Variants in AOPEP observed in about 807,000 individuals in gnomAD.
The protein encoded by AOPEP is aminopeptidase O (putative).
In AOPEP, 77 loss-of-function variants were observed where a neutral mutation model predicts 98.1. That is an observed-to-expected ratio of 0.78 (90% CI 0.65 to 0.95). AOPEP has a LOEUF of 0.95. AOPEP is among the 40% of genes least tolerant of loss of function. The pLI, the probability that AOPEP is intolerant of heterozygous loss-of-function variation, is 0.00. For missense variants in AOPEP, 1,024 were observed against 1,024.7 expected (o/e 1.00, Z 0.01); for synonymous variants, 346 against 365.3 (o/e 0.95, Z 0.60).
chr9:94,917,181 G>A (rs927807614), intron 5 of AOPEP, among the ~76,000 whole-genome samples: 7 of 152,108 alleles, frequency 4.6e-5, no homozygotes, highest in African/African-American at 9.7e-5. Flanking sequence ...ACGTTCTCTC[G>A]GGATGTGTTG....
chr9:94,968,961 G>T (rs2059371868), intron 10 of AOPEP, among the ~76,000 whole-genome samples: 1 of 152,044 alleles, frequency 6.6e-6, no homozygotes, highest in African/African-American at 2.4e-5. Flanking sequence ...AACACTATTT[G>T]GTCCATGATG....
At chr9:95,146,108 T>C in the AOPEP span, among the ~76,000 whole-genome samples, 4 of 152,272 alleles carry the variant, frequency 2.6e-5, no homozygotes, top group African/African-American at 2.4e-5. Flanking sequence ...AATGGTATTG[T>C]AGTTTTGTTT....
chr9:94,975,486 A>G (rs766251071), intron 10 of AOPEP, among the ~76,000 whole-genome samples: 59 of 152,272 alleles, frequency 3.9e-4, no homozygotes, highest in Non-Finnish European at 8.1e-4. Flanking sequence ...CCAATGAACT[A>G]ACCCTCTGAG....
chr9:94,744,093 T>C (rs1317312116), intron 1 of AOPEP, among the ~76,000 whole-genome samples: 1 of 152,114 alleles, frequency 6.6e-6, no homozygotes, highest in Non-Finnish European at 1.5e-5. Context: ...TCCTTAATCA[T>C]GATTAAGAAT....
chr9:95,146,230 T>C, the AOPEP span, among the ~76,000 whole-genome samples: 1 of 152,150 alleles, frequency 6.6e-6, no homozygotes, highest in African/African-American at 2.4e-5. Flanking sequence ...CTCATGCCTA[T>C]AATCCCAACA....
intron 1 of AOPEP, among the ~76,000 whole-genome samples, chr9:94,759,138 A>C (rs995879640): frequency 1.3e-5 from 2 of 152,210 alleles, no homozygotes; most frequent in Non-Finnish European, 2.9e-5. Flanking sequence ...CTGATATGAG[A>C]GCAGTCCTAA....
At chr9:95,103,415 C>T in the AOPEP span, among the ~76,000 whole-genome samples, 1 of 152,300 alleles carries the variant, frequency 6.6e-6, no homozygotes. Flanking sequence ...CTCTGCATCT[C>T]GGAATCTAGC....
chr9:95,101,844 G>A, the AOPEP span: 8 of 1,613,942 alleles, frequency 5.0e-6, no homozygotes, highest in South Asian at 5.5e-5. Context: ...TCAGCAGTGT[G>A]AGCCATCTGC....
intron 5 of AOPEP, among the ~76,000 whole-genome samples, chr9:94,843,013 A>G (rs181300238): frequency 2.0e-5 from 3 of 152,208 alleles, no homozygotes; most frequent in African/African-American, 7.2e-5. Flanking sequence ...TCATCTTCTT[A>G]GGTATGTAAG....
At position 94,901,948 on chromosome 9, in the gene AOPEP, C is replaced by T. The variant is rs138926154; in HGVS notation, c.1365-22038C>T. Among the ~76,000 whole-genome samples, 226 of 152,136 alleles carry T rather than the reference C, an allele frequency of 1.5e-3. 2 individuals carry two copies. Among genetic ancestry groups the T allele is most frequent in the Middle Eastern group, 6.8e-3 (2 of 294 alleles). On this transcript the variant is annotated intron_variant, in intron 5 of 16. Coordinates refer to ENST00000375315, the MANE Select transcript of AOPEP (RefSeq NM_001193329.3). ...GAAAAGAAAAAGTGCTAATAAAATA[C>T]CTTAATGTGCATATGAATGAATTGG...
chr9:95,000,185 T>TA (rs2061476244), intron 11 of AOPEP, among the ~76,000 whole-genome samples: 1 of 151,706 alleles, frequency 6.6e-6, no homozygotes, highest in Admixed American at 6.6e-5. Flanking sequence ...AATGGGCAAA[T>TA]AAAAATAATA....
At chr9:94,950,009 A>C (rs894829243) in intron 7 of AOPEP, among the ~76,000 whole-genome samples, 1 of 152,216 alleles carries the variant, frequency 6.6e-6, no homozygotes, top group Non-Finnish European at 1.5e-5. Flanking sequence ...AAGGGTTTGC[A>C]TTCAAAATCA....
intron 11 of AOPEP, chr9:95,003,796 A>G (rs1408796751): frequency 6.5e-6 from 1 of 153,762 alleles, no homozygotes; most frequent in Non-Finnish European, 1.4e-5. Context: ...AATGGTTAAC[A>G]CGTCTATTTA....
intron 13 of AOPEP, among the ~76,000 whole-genome samples, chr9:95,054,032 G>A (rs1017438502): frequency 1.3e-5 from 2 of 151,934 alleles, no homozygotes; most frequent in African/African-American, 4.8e-5. Flanking sequence ...TAATTCTAAG[G>A]AAACAAAAAG....
chr9:94,742,924 A>T (rs540036639), intron 1 of AOPEP, among the ~76,000 whole-genome samples: 1 of 152,286 alleles, frequency 6.6e-6, no homozygotes, highest in East Asian at 1.9e-4. Flanking sequence ...GATAGGAGGC[A>T]GGGATGTAGA....
rs2042620268 is a variant in AOPEP, at chr9:94,844,454, A to G, written c.1364+43452A>G. ...GTATAATGGTCAAATCGGAGTAATTATCATGTCCATCACTTTAAGCATTTG... is the reference window on the plus strand; with the variant it reads ...GTATAATGGTCAAATCGGAGTAATTGTCATGTCCATCACTTTAAGCATTTG... On this transcript the variant is annotated intron_variant, in intron 5 of 16. Transcript: ENST00000375315. 5.9e-5 allele frequency among the ~76,000 whole-genome samples: 9 copies of G among 152,350 alleles called. No individual in the cohort carries two copies. In the South Asian group the frequency reaches 1.4e-3, roughly 25 times the overall value.
Position 94,946,822 on chromosome 9 carries a change from G to C in AOPEP, c.1662-8355G>C, listed in dbSNP as rs150403330. On this transcript the variant is annotated intron_variant, in intron 7 of 16. Transcript: ENST00000375315. ...GTGGTCTTCTCCAAATGTGACAACT[G>C]AACTGAACACAGCCTGCTTTGAGGC... Among the ~76,000 whole-genome samples, 1,064 of 152,184 alleles carry C rather than the reference G, an allele frequency of 7.0e-3. 20 individuals are homozygous for C. The highest frequency in any genetic ancestry group is 0.025 in the African/African-American group (1,020 of 41,510).
chr9:95,025,435 C>G (rs1048064413), intron 13 of AOPEP, among the ~76,000 whole-genome samples: 1 of 152,178 alleles, frequency 6.6e-6, no homozygotes, highest in East Asian at 1.9e-4. Context: ...GTCAGACAGA[C>G]AAGAGTTGTT....
At chr9:95,094,619 A>G in the AOPEP span, among the ~76,000 whole-genome samples, 4 of 152,082 alleles carry the variant, frequency 2.6e-5, no homozygotes, top group Non-Finnish European at 5.9e-5. Context: ...ATTTAACATA[A>G]AGTCTTCCAG....
Sources: gnomAD v4.1 joint callset for allele counts (sites outside exome capture counted in the v4.1 genomes callset) on GRCh38, gnomAD v4.1.1 for gene constraint, MANE v1.5 for transcripts, NCBI Gene and HGNC (gene_info 2026-07-23, HGNC 2026-07-21) for gene names.